Variants in JAKMIP2 observed in about 807,000 individuals in gnomAD.
JAKMIP2 encodes janus kinase and microtubule-interacting protein 2.
A neutral mutation model predicts 115.0 loss-of-function variants in JAKMIP2; 25 were observed. That is an observed-to-expected ratio of 0.22 (90% CI 0.16 to 0.30). The LOEUF is 0.30. JAKMIP2 is among the 10% of genes least tolerant of loss of function. JAKMIP2 has a pLI of 1.00. For synonymous variants in JAKMIP2, 334 were observed against 343.6 expected, an observed-to-expected ratio of 0.97 and a Z score of 0.31; for missense variants, 642 against 957.6, an observed-to-expected ratio of 0.67 and a Z score of 4.35.
intron 17 of JAKMIP2, among the ~76,000 whole-genome samples, chr5:147,621,332 T>G (rs1308427525): frequency 6.6e-6 from 1 of 152,220 alleles, no homozygotes; most frequent in Non-Finnish European, 1.5e-5. Context: ...ATTATCAGCA[T>G]CTTGCCATTA....
At chr5:147,714,755 A>G (rs181623852) in intron 1 of JAKMIP2, among the ~76,000 whole-genome samples, 1 of 152,206 alleles carries the variant, frequency 6.6e-6, no homozygotes, top group Non-Finnish European at 1.5e-5. Context: ...CACAAGAAGC[A>G]GGAGACAGTG....
intron 3 of JAKMIP2, among the ~76,000 whole-genome samples, chr5:147,658,314 C>A (rs1224621176): frequency 6.6e-6 from 1 of 152,096 alleles, no homozygotes; most frequent in Admixed American, 6.6e-5. Context: ...TATTCCAGAC[C>A]CTTATTGCCT....
chr5:147,715,463 T>A (rs1311806398), intron 1 of JAKMIP2, among the ~76,000 whole-genome samples: 2 of 151,022 alleles, frequency 1.3e-5, no homozygotes, highest in Non-Finnish European at 3.0e-5. Flanking sequence ...TATATATGTA[T>A]TACATATTCA....
chr5:147,639,577 T>G, intron 10 of JAKMIP2, 55 bp downstream of exon 10: 1 of 1,562,242 alleles, frequency 6.4e-7, no homozygotes, highest in Non-Finnish European at 8.7e-7. Context: ...CACAGTGCTT[T>G]TATGCTGTGA....
At chr5:147,646,049 A>G (rs1429400545) in intron 5 of JAKMIP2, among the ~76,000 whole-genome samples, 1 of 152,164 alleles carries the variant, frequency 6.6e-6, no homozygotes, top group Non-Finnish European at 1.5e-5. Context: ...GAGAAGAGCA[A>G]GGAAAAAGGA....
intron 21 of JAKMIP2, chr5:147,594,549 G>T: frequency 5.4e-6 from 2 of 369,952 alleles, no homozygotes; most frequent in Non-Finnish European, 1.2e-5. Context: ...TCCCAGGCTG[G>T]TCTTAAACTC....
chr5:147,711,929 G>A (rs538253241), intron 1 of JAKMIP2, among the ~76,000 whole-genome samples: 15 of 152,182 alleles, frequency 9.9e-5, no homozygotes, highest in South Asian at 6.2e-4. Flanking sequence ...CGGACACCGC[G>A]CCCAGCCCAT....
chr5:147,640,600 G>T, intron 9 of JAKMIP2, 104 bp downstream of exon 9: 2 of 1,196,398 alleles, frequency 1.7e-6, no homozygotes, highest in Non-Finnish European at 1.2e-6. Flanking sequence ...ATCACTTTGT[G>T]CTGTTTATAT....
At position 147,637,058 on chromosome 5, in the gene JAKMIP2, C is replaced by T. The variant is rs755324872; in HGVS notation, c.1531-10G>A. 1 of 825,102 alleles carries T rather than the reference C, an allele frequency of 1.2e-6. No homozygotes were observed. The highest frequency in any genetic ancestry group is 2.1e-6 in the Non-Finnish European group (1 of 472,332). 51.1% of individuals were successfully genotyped at this position (825,102 alleles called of 1,614,324 possible). Reference sequence around the variant, plus strand: ...GGAGCTGTTCTTGAGCCTGGTGAAACCAAAATTCCAGAACTCAGCAAGTAA... The same window carrying T: ...GGAGCTGTTCTTGAGCCTGGTGAAATCAAAATTCCAGAACTCAGCAAGTAA... On this transcript the variant is annotated splice_polypyrimidine_tract_variant and intron_variant, in intron 10 of 21. Transcript: ENST00000616793.
chr5:147,602,563 C>G (rs1257687309), intron 20 of JAKMIP2, among the ~76,000 whole-genome samples: 3 of 152,146 alleles, frequency 2.0e-5, no homozygotes, highest in Non-Finnish European at 2.9e-5. Flanking sequence ...TAAATGGAGT[C>G]TGATTTGTTT....
intron 1 of JAKMIP2, among the ~76,000 whole-genome samples, chr5:147,712,313 CT>C (rs1413491606): frequency 6.6e-6 from 1 of 152,160 alleles, no homozygotes; most frequent in Non-Finnish European, 1.5e-5. Flanking sequence ...AGCCAATTTT[CT>C]TTTTTGTAAC....
intron 20 of JAKMIP2, among the ~76,000 whole-genome samples, chr5:147,611,448 G>A (rs531661936): frequency 5.3e-5 from 8 of 152,036 alleles, no homozygotes; most frequent in Non-Finnish European, 7.4e-5. Context: ...GGATTTCCCC[G>A]ACCCCTTGCG....
intron 1 of JAKMIP2, among the ~76,000 whole-genome samples, chr5:147,677,069 C>T (rs1403197631): frequency 6.6e-6 from 1 of 152,150 alleles, no homozygotes; most frequent in East Asian, 1.9e-4. Context: ...GTTTAAATTC[C>T]ACCTCTGCCT....
intron 7 of JAKMIP2, among the ~76,000 whole-genome samples, chr5:147,643,361 A>G (rs958432566): frequency 5.9e-5 from 9 of 152,084 alleles, no homozygotes; most frequent in African/African-American, 2.2e-4. Context: ...CCTCCTTGCA[A>G]TTCAAGTCTT....
intron 21 of JAKMIP2, chr5:147,594,409 A>T (rs910546311): frequency 2.2e-5 from 10 of 454,966 alleles, no homozygotes; most frequent in Middle Eastern, 6.6e-4. Context: ...ATCTTGTCTC[A>T]CTGCAGCATC....
At chr5:147,709,751 G>A (rs1276341466) in intron 1 of JAKMIP2, among the ~76,000 whole-genome samples, 1 of 152,136 alleles carries the variant, frequency 6.6e-6, no homozygotes, top group Non-Finnish European at 1.5e-5. Context: ...TCAGGAGGCT[G>A]AGGCAGAGAA....
intron 16 of JAKMIP2, among the ~76,000 whole-genome samples, chr5:147,626,845 C>T (rs930938421): frequency 4.6e-5 from 7 of 152,240 alleles, no homozygotes; most frequent in East Asian, 3.9e-4. Flanking sequence ...TAAACCCAGG[C>T]GATTTTTTCT....
intron 5 of JAKMIP2, among the ~76,000 whole-genome samples, chr5:147,647,892 C>T (rs1758203952): frequency 6.6e-6 from 1 of 151,954 alleles, no homozygotes; most frequent in Admixed American, 6.6e-5. Flanking sequence ...TTTTAAGAAA[C>T]AACATAAATG....
chr5:147,689,893 G>A (rs1288176902), intron 1 of JAKMIP2, among the ~76,000 whole-genome samples: 1 of 152,136 alleles, frequency 6.6e-6, no homozygotes, highest in Admixed American at 6.5e-5. Context: ...TTGCTTTCCT[G>A]GAGTTTATAC....
Sources: allele counts gnomAD v4.1 joint callset (sites outside exome capture counted in the v4.1 genomes callset), GRCh38; gene constraint gnomAD v4.1.1; transcripts MANE v1.5; gene names NCBI Gene and HGNC (gene_info 2026-07-23, HGNC 2026-07-21).